Variants in CATSPERT observed in about 807,000 individuals in gnomAD.
The protein encoded by CATSPERT is cation channel sperm-associated targeting subunit tau.
chr2:201,614,237 A>G, the CATSPERT span, among the ~76,000 whole-genome samples: 1 of 152,214 alleles, frequency 6.6e-6, no homozygotes, highest in Non-Finnish European at 1.5e-5. Flanking sequence ...CGAGAAGAGG[A>G]ACTCCAAGAT....
the CATSPERT span, among the ~76,000 whole-genome samples, chr2:201,530,930 C>T: frequency 6.8e-6 from 1 of 147,974 alleles, no homozygotes; most frequent in African/African-American, 2.5e-5. Context: ...CAAGACACTG[C>T]AGTGTTTTTG....
At chr2:201,510,801 A>G in the CATSPERT span, among the ~76,000 whole-genome samples, 3 of 152,256 alleles carry the variant, frequency 2.0e-5, no homozygotes, top group Non-Finnish European at 4.4e-5. Flanking sequence ...GACATAACCT[A>G]AGGACCTTCT....
the CATSPERT span, among the ~76,000 whole-genome samples, chr2:201,574,018 A>G: frequency 2.0e-5 from 3 of 152,232 alleles, no homozygotes; most frequent in Non-Finnish European, 4.4e-5. Context: ...AAATGTATAA[A>G]CAAATCATAG....
At chr2:201,548,529 T>C in the CATSPERT span, among the ~76,000 whole-genome samples, 1 of 151,992 alleles carries the variant, frequency 6.6e-6, no homozygotes, top group Non-Finnish European at 1.5e-5. Flanking sequence ...ACACTATATA[T>C]ATATAATTAT....
the CATSPERT span, chr2:201,601,679 G>T: frequency 4.1e-6 from 6 of 1,458,340 alleles, no homozygotes; most frequent in East Asian, 1.4e-4. Context: ...ACAGAATTAG[G>T]GTAGAATATT....
At chr2:201,551,236 CTA>C in the CATSPERT span, among the ~76,000 whole-genome samples, 5 of 151,984 alleles carry the variant, frequency 3.3e-5, no homozygotes, top group Non-Finnish European at 5.9e-5. Context: ...AATATATGTA[CTA>C]GTCTATTTTA....
the CATSPERT span, among the ~76,000 whole-genome samples, chr2:201,568,796 C>T: frequency 1.3e-5 from 2 of 152,134 alleles, no homozygotes; most frequent in African/African-American, 4.8e-5. Flanking sequence ...CTTGGCCTTT[C>T]CCAAAATAAA....
the CATSPERT span, among the ~76,000 whole-genome samples, chr2:201,518,864 C>A: frequency 1.6e-4 from 25 of 152,222 alleles, no homozygotes; most frequent in African/African-American, 5.8e-4. Flanking sequence ...TAGGATTCTG[C>A]AAATTTTTTT....
the CATSPERT span, chr2:201,604,562 T>G: frequency 8.0e-7 from 1 of 1,245,564 alleles, no homozygotes; most frequent in African/African-American, 1.5e-5. Flanking sequence ...TGTTTGATTA[T>G]CAAATAATAA....
the CATSPERT span, chr2:201,550,933 TAGTA>T: frequency 6.6e-6 from 1 of 152,166 alleles, no homozygotes; most frequent in Non-Finnish European, 1.5e-5. Context: ...ATCCCTCTAC[TAGTA>T]ATTATTGAGA....
the CATSPERT span, among the ~76,000 whole-genome samples, chr2:201,563,415 G>T: frequency 2.6e-5 from 3 of 113,830 alleles, no homozygotes; most frequent in African/African-American, 6.5e-5. Context: ...CCGGGCGGGG[G>T]GCTGACCCCC....
At chr2:201,566,244 T>C in the CATSPERT span, among the ~76,000 whole-genome samples, 19 of 152,012 alleles carry the variant, frequency 1.2e-4, no homozygotes, top group East Asian at 3.5e-3. Context: ...TTCTAGGGTA[T>C]ATGTGCACAA....
the CATSPERT span, among the ~76,000 whole-genome samples, chr2:201,573,480 A>G: frequency 6.6e-6 from 1 of 152,120 alleles, no homozygotes; most frequent in African/African-American, 2.4e-5. Context: ...GGCTGACTCA[A>G]GTGATCCTCC....
the CATSPERT span, chr2:201,582,002 C>A: frequency 1.4e-5 from 20 of 1,448,898 alleles, no homozygotes; most frequent in Non-Finnish European, 1.8e-5. Context: ...AGATAATAAA[C>A]AAAAAAAGCC....
chr2:201,612,725 G>A, the CATSPERT span, among the ~76,000 whole-genome samples: 1 of 152,158 alleles, frequency 6.6e-6, no homozygotes, highest in Admixed American at 6.5e-5. Context: ...GTCAGACAGT[G>A]GGTGCAGCCC....
chr2:201,500,140 A>G, the CATSPERT span, among the ~76,000 whole-genome samples: 1 of 152,004 alleles, frequency 6.6e-6, no homozygotes, highest in South Asian at 2.1e-4. Flanking sequence ...AGGAGTGGCC[A>G]TGTGACAAAA....
the CATSPERT span, among the ~76,000 whole-genome samples, chr2:201,541,544 T>C: frequency 3.1e-4 from 3 of 9,558 alleles, no homozygotes; most frequent in Non-Finnish European, 7.4e-4. Flanking sequence ...TATATATATA[T>C]ATATATATAT....
At chr2:201,603,982 T>C in the CATSPERT span, among the ~76,000 whole-genome samples, 3 of 152,192 alleles carry the variant, frequency 2.0e-5, no homozygotes, top group African/African-American at 7.2e-5. Context: ...ACTCTAATAG[T>C]GTTCAGAAAA....
the CATSPERT span, among the ~76,000 whole-genome samples, chr2:201,511,217 C>T: frequency 2.0e-5 from 3 of 152,194 alleles, no homozygotes; most frequent in Non-Finnish European, 4.4e-5. Flanking sequence ...AAAGCATAAT[C>T]TGGCAGTATC....
Sources: allele counts gnomAD v4.1 joint callset (sites outside exome capture counted in the v4.1 genomes callset), GRCh38; gene constraint gnomAD v4.1.1; transcripts MANE v1.5; gene names NCBI Gene and HGNC (gene_info 2026-07-23, HGNC 2026-07-21).